The following CLEC4A variants were observed in gnomAD, a reference collection of about 807,000 sequenced individuals.
CLEC4A encodes C-type (calcium dependent, carbohydrate-recognition domain) lectin, superfamily member 6.
Under a neutral mutation model 32.7 loss-of-function variants are expected in CLEC4A, and 27 were observed. The ratio of observed to expected loss-of-function variants is 0.83; its 90% CI spans 0.61 to 1.14. The LOEUF (loss-of-function observed/expected upper bound fraction) is 1.14, where lower values mean the gene tolerates loss of function less well. Ranked by LOEUF, CLEC4A falls within the 50% of genes most tolerant of loss-of-function variation. The probability of loss-of-function intolerance (pLI) is 0.00; values close to 1 mark genes in which losing one functional copy is unlikely to be tolerated. For missense variants in CLEC4A, 253 were observed against 274.6 expected, an observed-to-expected ratio of 0.92 and a Z score of 0.55; for synonymous variants, 89 against 93.7, an observed-to-expected ratio of 0.95 and a Z score of 0.29.
chr12:8,132,910 GTTTTTT>G (rs556423268), intron 3 of CLEC4A, among the ~76,000 whole-genome samples: 2 of 149,816 alleles, frequency 1.3e-5, no homozygotes, highest in African/African-American at 5.0e-5. Context: ...GTTTGTTTTT[GTTTTTT>G]TTTTGTTTTT....
the CLEC4A span, among the ~76,000 whole-genome samples, chr12:8,108,167 G>C: frequency 6.6e-6 from 1 of 152,120 alleles, no homozygotes; most frequent in African/African-American, 2.4e-5. Flanking sequence ...GGAGCAGGTT[G>C]TTTAATTTCC....
chr12:8,114,401 C>T, the CLEC4A span, among the ~76,000 whole-genome samples: 4 of 152,080 alleles, frequency 2.6e-5, no homozygotes, highest in Non-Finnish European at 5.9e-5. Flanking sequence ...CCCGCCACCA[C>T]GCCCGGCTAA....
chr12:8,133,310 T>A (rs1451186773), intron 3 of CLEC4A, among the ~76,000 whole-genome samples: 1 of 152,030 alleles, frequency 6.6e-6, no homozygotes, highest in African/African-American at 2.4e-5. Flanking sequence ...CTCAGCCTCC[T>A]AAAGTGCTGG....
At chr12:8,123,300 C>A (rs1230103179), upstream of CLEC4A, among the ~76,000 whole-genome samples, 2 of 152,086 alleles carry the variant, frequency 1.3e-5, no homozygotes, top group African/African-American at 4.8e-5. Flanking sequence ...TTAAACTTTG[C>A]CATCCCCACC....
chr12:8,113,911 A>G, the CLEC4A span, among the ~76,000 whole-genome samples: 2 of 152,204 alleles, frequency 1.3e-5, no homozygotes, highest in Non-Finnish European at 2.9e-5. Context: ...TTTATCCACT[A>G]GCTTCCTTCC....
At chr12:8,130,991 C>T (rs1250559580) in intron 3 of CLEC4A, among the ~76,000 whole-genome samples, 4 of 152,074 alleles carry the variant, frequency 2.6e-5, no homozygotes, top group Non-Finnish European at 2.9e-5. Flanking sequence ...CTCAGATTTT[C>T]CTCATATTTG....
the CLEC4A span, among the ~76,000 whole-genome samples, chr12:8,106,483 A>G: frequency 6.6e-6 from 1 of 151,848 alleles, no homozygotes; most frequent in Non-Finnish European, 1.5e-5. Flanking sequence ...TTTGGGCAGT[A>G]TGGCCATTTT....
the CLEC4A span, among the ~76,000 whole-genome samples, chr12:8,109,167 A>G: frequency 1.3e-5 from 2 of 152,204 alleles, no homozygotes; most frequent in Non-Finnish European, 2.9e-5. Flanking sequence ...GGATGGGGGC[A>G]TTTAGTCTGG....
chr12:8,128,793 A>T (rs921595382), intron 2 of CLEC4A, among the ~76,000 whole-genome samples: 1 of 152,178 alleles, frequency 6.6e-6, no homozygotes, highest in African/African-American at 2.4e-5. Flanking sequence ...GTTGGGATGG[A>T]GAGAGTAATG....
chr12:8,120,148 T>C (rs970920291), upstream of CLEC4A, among the ~76,000 whole-genome samples: 1 of 151,198 alleles, frequency 6.6e-6, no homozygotes, highest in Admixed American at 6.6e-5. Context: ...GTGCCCAGAG[T>C]TTTTACTGGG....
At chr12:8,131,505 TC>T (rs71042336) in intron 3 of CLEC4A, among the ~76,000 whole-genome samples, 127,955 of 152,128 alleles carry the variant, frequency 0.84, 54,701 homozygotes, top group East Asian at 0.94. Context: ...TCAGAGGAGG[TC>T]CCTCTTTTTG....
At chr12:8,117,267 ATC>A in the CLEC4A span, among the ~76,000 whole-genome samples, 5 of 149,354 alleles carry the variant, frequency 3.3e-5, no homozygotes, top group Middle Eastern at 7.0e-3. Flanking sequence ...TTGAAGTGGA[ATC>A]TCTCTGTTGC....
Position 8,138,477 on chromosome 12 carries a change from A to AT in CLEC4A, c.*196dup. The AT allele has an allele frequency of 1.6e-6, 1 of 631,110 alleles. No individual in the cohort carries two copies. The highest frequency in any genetic ancestry group is 2.4e-5 in the South Asian group (1 of 42,518). The allele number at this position is 631,110 out of a possible 1,614,324, so 39.1% of individuals were successfully genotyped here. ...TTCATAAAGTGAGCATTTATTGAGC[A>AT]TTTTTTCATGTGCCAGAGCCTGTAC... On this transcript the variant is annotated 3_prime_UTR_variant, in exon 6 of 6. Transcript: ENST00000229332.
At chr12:8,103,316 A>C in the CLEC4A span, among the ~76,000 whole-genome samples, 2 of 145,494 alleles carry the variant, frequency 1.4e-5, no homozygotes, top group South Asian at 4.3e-4. Context: ...TTTCCCATTG[A>C]CTCACAATGT....
chr12:8,107,189 G>A, the CLEC4A span, among the ~76,000 whole-genome samples: 1 of 152,112 alleles, frequency 6.6e-6, no homozygotes. Flanking sequence ...ATGGATTTGT[G>A]TATGTTGAAC....
At chr12:8,133,185 G>T (rs777264365) in intron 3 of CLEC4A, among the ~76,000 whole-genome samples, 2 of 152,312 alleles carry the variant, frequency 1.3e-5, no homozygotes, top group South Asian at 4.1e-4. Flanking sequence ...AAAGTGCAGG[G>T]ATTACAGGTG....
At chr12:8,132,578 A>G (rs1425735251) in intron 3 of CLEC4A, among the ~76,000 whole-genome samples, 1 of 152,212 alleles carries the variant, frequency 6.6e-6, no homozygotes, top group Non-Finnish European at 1.5e-5. Context: ...GTTTCAGCAT[A>G]TGTTCCAGAG....
chr12:8,135,047 CTTT>C (rs1187858911), intron 3 of CLEC4A, among the ~76,000 whole-genome samples: 4 of 9,026 alleles, frequency 4.4e-4, no homozygotes, highest in South Asian at 0.013. Flanking sequence ...ATTTTATTAT[CTTT>C]TTTTTTTTTT....
chr12:8,121,003 A>G (rs1947826323), upstream of CLEC4A: 1 of 152,220 alleles, frequency 6.6e-6, no homozygotes, highest in Non-Finnish European at 1.5e-5. Flanking sequence ...TTCAGCTTAC[A>G]AGGAGCTATT....
Sources: gnomAD v4.1 joint callset for allele counts (sites outside exome capture counted in the v4.1 genomes callset) on GRCh38, gnomAD v4.1.1 for gene constraint, MANE v1.5 for transcripts, NCBI Gene and HGNC (gene_info 2026-07-23, HGNC 2026-07-21) for gene names.